Variants in SGCZ observed in about 807,000 individuals in gnomAD.
SGCZ encodes the protein sarcoglycan zeta.
A neutral mutation model predicts 41.3 loss-of-function variants in SGCZ; 40 were observed. That is an observed-to-expected ratio of 0.97 (90% CI 0.75 to 1.26). The LOEUF (loss-of-function observed/expected upper bound fraction) is 1.26, where lower values mean the gene tolerates loss of function less well. Ranked by LOEUF, SGCZ falls within the 50% of genes most tolerant of loss-of-function variation. The probability of loss-of-function intolerance (pLI) is 0.00; values close to 1 mark genes in which losing one functional copy is unlikely to be tolerated. For synonymous variants in SGCZ, 206 were observed against 137.5 expected (o/e 1.50, Z -3.49); for missense variants, 552 against 369.8 (o/e 1.49, Z -4.04).
chr8:14,875,312 G>A (rs1466224525), intron 1 of SGCZ, among the ~76,000 whole-genome samples: 1 of 152,142 alleles, frequency 6.6e-6, no homozygotes, highest in Non-Finnish European at 1.5e-5. Context: ...ACCCATTAAT[G>A]AGGACAAAGT....
At chr8:14,113,853 A>C (rs1408880109) in intron 5 of SGCZ, among the ~76,000 whole-genome samples, 1 of 152,048 alleles carries the variant, frequency 6.6e-6, no homozygotes, top group African/African-American at 2.4e-5. Context: ...TTTACATTTC[A>C]GTGACAAGAC....
At chr8:14,143,551 T>C (rs1406887564) in intron 5 of SGCZ, among the ~76,000 whole-genome samples, 4 of 152,156 alleles carry the variant, frequency 2.6e-5, no homozygotes, top group Non-Finnish European at 5.9e-5. Context: ...AACAAAATTC[T>C]GAAACACCAT....
chr8:15,049,480 G>A (rs1323880347), intron 1 of SGCZ, among the ~76,000 whole-genome samples: 1 of 152,130 alleles, frequency 6.6e-6, no homozygotes, highest in Non-Finnish European at 1.5e-5. Context: ...CTATAGGGGA[G>A]TTTAAGCAAA....
intron 1 of SGCZ, among the ~76,000 whole-genome samples, chr8:14,880,527 A>G (rs1804547923): frequency 6.6e-6 from 1 of 152,198 alleles, no homozygotes; most frequent in African/African-American, 2.4e-5. Context: ...GGCACTATTC[A>G]CAATAGCAAA....
intron 1 of SGCZ, among the ~76,000 whole-genome samples, chr8:14,574,456 C>T (rs1323999922): frequency 2.0e-5 from 3 of 152,142 alleles, no homozygotes; most frequent in African/African-American, 7.2e-5. Context: ...TAAATAAAGA[C>T]CCTCATTCCA....
At chr8:14,096,346 A>G (rs1282656780) in intron 7 of SGCZ, among the ~76,000 whole-genome samples, 2 of 152,152 alleles carry the variant, frequency 1.3e-5, no homozygotes. Context: ...CCTTTCCTGC[A>G]TCTATTGAGA....
At chr8:14,217,145 AAGTT>A (rs1404492875) in intron 4 of SGCZ, among the ~76,000 whole-genome samples, 1 of 151,804 alleles carries the variant, frequency 6.6e-6, no homozygotes, top group African/African-American at 2.4e-5. Context: ...CACACACAAA[AAGTT>A]AGCCGGCATG....
Position 14,346,151 on chromosome 8 carries a change from G to A in SGCZ, c.235-21947C>T, listed in dbSNP as rs573007812. 6.6e-5 allele frequency among the ~76,000 whole-genome samples: 10 copies of A among 152,154 alleles called. No individual in the cohort carries two copies. In the South Asian group the frequency reaches 2.1e-3, roughly 32 times the overall value. ...TATTGACTCATCAGTTGTAACAAATGTATCACAATAATACAATACGTTACT... is the reference window on the plus strand; with the variant it reads ...TATTGACTCATCAGTTGTAACAAATATATCACAATAATACAATACGTTACT... On this transcript the variant is annotated intron_variant, in intron 2 of 7. Coordinates refer to ENST00000382080, the MANE Select transcript of SGCZ (RefSeq NM_139167.4).
intron 4 of SGCZ, among the ~76,000 whole-genome samples, chr8:14,179,269 C>T (rs561626361): frequency 3.5e-4 from 53 of 152,274 alleles, no homozygotes; most frequent in South Asian, 2.3e-3. Context: ...CAATGTGGTG[C>T]CCCCTGTACA....
At chr8:14,147,898 G>C (rs146625749) in intron 5 of SGCZ, among the ~76,000 whole-genome samples, 189 of 151,998 alleles carry the variant, frequency 1.2e-3, no homozygotes, top group African/African-American at 4.3e-3. Flanking sequence ...AATAATAAGA[G>C]GAATTTTGCG....
At chr8:14,688,330 C>T (rs1347484079) in intron 1 of SGCZ, among the ~76,000 whole-genome samples, 1 of 152,050 alleles carries the variant, frequency 6.6e-6, no homozygotes. Context: ...GGTTTTAGGT[C>T]TAAAGTTTAT....
At chr8:14,819,512 G>A (rs971812626) in intron 1 of SGCZ, among the ~76,000 whole-genome samples, 8 of 151,952 alleles carry the variant, frequency 5.3e-5, no homozygotes, top group Non-Finnish European at 1.0e-4. Context: ...AACATGAGAA[G>A]GATAATTATC....
chr8:15,075,143 A>T (rs1195698829), intron 1 of SGCZ, among the ~76,000 whole-genome samples: 1 of 147,300 alleles, frequency 6.8e-6, no homozygotes. Flanking sequence ...CTTTCTTTAT[A>T]TATCTCATCT....
intron 2 of SGCZ, among the ~76,000 whole-genome samples, chr8:14,457,312 G>A (rs911774188): frequency 1.3e-5 from 2 of 152,220 alleles, no homozygotes; most frequent in Admixed American, 6.5e-5. Context: ...CCACCAGAGG[G>A]CTCCTTGGTC....
intron 1 of SGCZ, among the ~76,000 whole-genome samples, chr8:15,159,737 CCCACCCTCCCCCCCA>C (rs1286520633): frequency 3.0e-5 from 1 of 33,434 alleles, no homozygotes; most frequent in Non-Finnish European, 6.5e-5. Flanking sequence ...CCCCGCCCCC[CCCACCCTCCCCCCCA>C]CCCCCGCCAC....
intron 1 of SGCZ, among the ~76,000 whole-genome samples, chr8:15,001,647 T>C (rs772541956): frequency 1.1e-4 from 15 of 141,692 alleles, no homozygotes; most frequent in Non-Finnish European, 1.9e-4. Context: ...GAGAATGGCG[T>C]GAACCCAGGA....
chr8:14,931,712 A>G (rs956481373), intron 1 of SGCZ, among the ~76,000 whole-genome samples: 2 of 152,216 alleles, frequency 1.3e-5, no homozygotes, highest in Non-Finnish European at 2.9e-5. Flanking sequence ...AGTACTTGAC[A>G]TTCTTTCTTC....
intron 1 of SGCZ, among the ~76,000 whole-genome samples, chr8:14,783,244 G>C (rs766761928): frequency 8.5e-5 from 13 of 152,142 alleles, no homozygotes; most frequent in Admixed American, 7.2e-4. Context: ...GACAAGCCTG[G>C]TCAACATGGC....
chr8:14,454,285 G>A (rs1171269968), intron 2 of SGCZ, among the ~76,000 whole-genome samples: 2 of 152,238 alleles, frequency 1.3e-5, no homozygotes, highest in African/African-American at 2.4e-5. Flanking sequence ...AACAAATCTG[G>A]ACTTTAGGAA....
Sources: allele counts gnomAD v4.1 joint callset (sites outside exome capture counted in the v4.1 genomes callset), GRCh38; gene constraint gnomAD v4.1.1; transcripts MANE v1.5; gene names NCBI Gene and HGNC (gene_info 2026-07-23, HGNC 2026-07-21).